ADAMTSL1: variants seen among roughly 807,000 people sequenced by gnomAD.
The protein encoded by ADAMTSL1 is ADAMTS-like protein 1.
ADAMTSL1 carries 126 observed loss-of-function variants against 201.8 expected under a neutral mutation model. The ratio of observed to expected loss-of-function variants is 0.62; its 90% CI spans 0.54 to 0.72. The LOEUF is 0.72. ADAMTSL1 is among the 30% of genes least tolerant of loss of function. The pLI, the probability that ADAMTSL1 is intolerant of heterozygous loss-of-function variation, is 0.00. For missense variants in ADAMTSL1, 2,679 were observed against 2,277.8 expected, an observed-to-expected ratio of 1.18 and a Z score of -3.59; for synonymous variants, 1,121 against 903.4, an observed-to-expected ratio of 1.24 and a Z score of -4.32.
intron 7 of ADAMTSL1, among the ~76,000 whole-genome samples, chr9:18,648,572 G>A (rs2132885880): frequency 6.6e-6 from 1 of 151,350 alleles, no homozygotes; most frequent in South Asian, 2.1e-4. Flanking sequence ...AGCTCTTTTA[G>A]GGCAGGCCTG....
intron 5 of ADAMTSL1, among the ~76,000 whole-genome samples, chr9:18,629,705 G>C (rs562462561): frequency 6.6e-6 from 1 of 152,020 alleles, no homozygotes; most frequent in African/African-American, 2.4e-5. Context: ...ATTCTTTTTT[G>C]TATTGTCTTT....
At chr9:18,247,360 C>T (rs1377914244) in intron 2 of ADAMTSL1, among the ~76,000 whole-genome samples, 1 of 152,094 alleles carries the variant, frequency 6.6e-6, no homozygotes, top group Non-Finnish European at 1.5e-5. Flanking sequence ...AATAAAACAT[C>T]ATTTATCTCT....
At chr9:18,789,835 T>C (rs1285736341) in intron 19 of ADAMTSL1, among the ~76,000 whole-genome samples, 2 of 152,132 alleles carry the variant, frequency 1.3e-5, no homozygotes, top group African/African-American at 4.8e-5. Flanking sequence ...CAAGTTTGTA[T>C]TGGGATGTGG....
At chr9:18,029,397 C>A (rs531249962) in intron 1 of ADAMTSL1, among the ~76,000 whole-genome samples, 3 of 152,032 alleles carry the variant, frequency 2.0e-5, no homozygotes, top group Non-Finnish European at 4.4e-5. Context: ...AAAATTAATT[C>A]GAAATGGATT....
intron 1 of ADAMTSL1, among the ~76,000 whole-genome samples, chr9:18,030,081 T>G (rs1454404693): frequency 6.6e-6 from 1 of 152,150 alleles, no homozygotes; most frequent in Non-Finnish European, 1.5e-5. Context: ...CCTGCTGCTA[T>G]AAAGACACAT....
chr9:18,483,296 A>G (rs904046226), intron 1 of ADAMTSL1, among the ~76,000 whole-genome samples: 28 of 152,312 alleles, frequency 1.8e-4, no homozygotes, highest in African/African-American at 6.7e-4. Flanking sequence ...GATTCGAGTT[A>G]TATTTATCAC....
chr9:17,913,996 G>C (rs200255771), intron 1 of ADAMTSL1, among the ~76,000 whole-genome samples: 26 of 151,476 alleles, frequency 1.7e-4, no homozygotes, highest in African/African-American at 4.6e-4. Flanking sequence ...CTGAATAGAC[G>C]AATAACAGGC....
At chr9:18,632,714 C>T (rs778531109) in intron 5 of ADAMTSL1, among the ~76,000 whole-genome samples, 4 of 152,230 alleles carry the variant, frequency 2.6e-5, no homozygotes, top group South Asian at 4.2e-4. Context: ...ATTTGCAGAT[C>T]GTTTAATGTC....
intron 1 of ADAMTSL1, among the ~76,000 whole-genome samples, chr9:18,007,031 A>C (rs986140594): frequency 6.6e-6 from 1 of 152,062 alleles, no homozygotes; most frequent in Non-Finnish European, 1.5e-5. Context: ...ATAAAAACAG[A>C]GAAATTCCCC....
At chr9:18,436,876 T>G (rs186394347) in intron 2 of ADAMTSL1, among the ~76,000 whole-genome samples, 1 of 152,244 alleles carries the variant, frequency 6.6e-6, no homozygotes, top group Admixed American at 6.5e-5. Flanking sequence ...AGAGTGCCCT[T>G]GAGAGATACA....
At chr9:18,468,631 C>G (rs980471754) in intron 2 of ADAMTSL1, among the ~76,000 whole-genome samples, 1 of 152,206 alleles carries the variant, frequency 6.6e-6, no homozygotes, top group Admixed American at 6.5e-5. Flanking sequence ...AAACCCTAAG[C>G]TCAGAAAGTT....
chr9:17,985,901 T>C (rs1818909936), intron 1 of ADAMTSL1, among the ~76,000 whole-genome samples: 1 of 152,118 alleles, frequency 6.6e-6, no homozygotes. Flanking sequence ...CTGAAATGCG[T>C]TGGCTATGAC....
intron 1 of ADAMTSL1, among the ~76,000 whole-genome samples, chr9:18,095,708 G>A (rs1234381375): frequency 6.6e-6 from 1 of 152,154 alleles, no homozygotes; most frequent in African/African-American, 2.4e-5. Flanking sequence ...ACAGGTGTGA[G>A]CCACTGTGGT....
At chr9:18,526,428 G>A (rs1474275827) in intron 2 of ADAMTSL1, among the ~76,000 whole-genome samples, 1 of 152,110 alleles carries the variant, frequency 6.6e-6, no homozygotes, top group Admixed American at 6.5e-5. Flanking sequence ...GGAGCATTTA[G>A]CCCATTTACA....
At chr9:18,417,178 C>T (rs1324823887) in intron 2 of ADAMTSL1, among the ~76,000 whole-genome samples, 2 of 151,200 alleles carry the variant, frequency 1.3e-5, no homozygotes, top group African/African-American at 4.9e-5. Context: ...AGCCATGTAC[C>T]AAAGAGGAAA....
chr9:18,052,002 G>T (rs1045135787), intron 1 of ADAMTSL1, among the ~76,000 whole-genome samples: 1 of 152,198 alleles, frequency 6.6e-6, no homozygotes, highest in Non-Finnish European at 1.5e-5. Context: ...CTCTTTTCTT[G>T]ACACTTTGTT....
chr9:18,368,800 C>T (rs75673528), intron 2 of ADAMTSL1, among the ~76,000 whole-genome samples: 1,828 of 152,192 alleles, frequency 0.012, 35 homozygotes, highest in African/African-American at 0.042. Context: ...TCATTTACTG[C>T]AGATATGTAA....
chr9:18,820,620 C>T (rs1356469949), intron 21 of ADAMTSL1, among the ~76,000 whole-genome samples: 2 of 152,146 alleles, frequency 1.3e-5, no homozygotes, highest in Admixed American at 1.3e-4. Context: ...ATGTAATTTA[C>T]CTAGACCAAC....
In ADAMTSL1 at chr9:18,908,657, A is replaced by C. The variant is rs1830444544; in HGVS notation, c.*109A>C. 2 of 848,892 alleles carry C rather than the reference A, an allele frequency of 2.4e-6. No homozygotes were observed. The highest frequency in any genetic ancestry group is 2.7e-5 in the East Asian group (1 of 36,464). The allele number at this position is 848,892 out of a possible 1,614,324, so 52.6% of individuals were successfully genotyped here. The stretch of plus-strand genomic sequence containing the variant: ...TTTATTTATTTATTTCCCCCTCCCC[A>C]CTCCACACACACCCTTCCAACCTCC... On this transcript the variant is annotated 3_prime_UTR_variant, in exon 29 of 29. Transcript: ENST00000380548.
Sources: gnomAD v4.1 joint callset for allele counts (sites outside exome capture counted in the v4.1 genomes callset) on GRCh38, gnomAD v4.1.1 for gene constraint, MANE v1.5 for transcripts, NCBI Gene and HGNC (gene_info 2026-07-23, HGNC 2026-07-21) for gene names.